Variants in HPF1 observed in about 807,000 individuals in gnomAD.
The protein encoded by HPF1 is histone PARylation factor 1.
Under a neutral mutation model 38.8 loss-of-function variants are expected in HPF1, and 35 were observed. The ratio of observed to expected loss-of-function variants is 0.90; its 90% confidence interval spans 0.69 to 1.19. The LOEUF is 1.19. Ranked by LOEUF, HPF1 falls within the 50% of genes most tolerant of loss-of-function variation. The pLI is 0.00. For synonymous variants in HPF1, 115 were observed against 139.2 expected (o/e 0.83, Z 1.22); for missense variants, 367 against 405.8 (o/e 0.90, Z 0.82).
chr4:169,730,570 C>T (rs1206638033), intron 7 of HPF1, among the ~76,000 whole-genome samples: 1 of 152,196 alleles, frequency 6.6e-6, no homozygotes, highest in Non-Finnish European at 1.5e-5. Flanking sequence ...CACTTGGCAA[C>T]TTGTTGGAAA....
At chr4:169,755,220 T>C (rs1270493185) in intron 1 of HPF1, among the ~76,000 whole-genome samples, 1 of 152,182 alleles carries the variant, frequency 6.6e-6, no homozygotes, top group African/African-American at 2.4e-5. Context: ...GAAATACCTA[T>C]TGTTAGGAGA....
intron 4 of HPF1, among the ~76,000 whole-genome samples, chr4:169,743,491 T>C (rs1485055844): frequency 3.3e-5 from 5 of 150,456 alleles, no homozygotes; most frequent in Non-Finnish European, 5.9e-5. Context: ...ATTTTTTTTT[T>C]AATGTTGAAG....
chr4:169,757,832 G>A lies in HPF1; in HGVS notation c.46C>T (p.Gln16Ter), dbSNP rs1734210127. 8 of 1,563,118 alleles carry A rather than the reference G, an allele frequency of 5.1e-6. No homozygotes were observed. The highest frequency in any genetic ancestry group is 1.2e-5 in the South Asian group (1 of 86,070). ...GKRRPGGEGPQCEKTTDVKKS... is the reference protein window; with the variant it reads ...GKRRPGGEGP Reference sequence around the variant, plus strand: ...CCGCACAGCCTTTCCGGCAGTACCTGCGGCCCCTCTCCGCCGGGCCTGCGC... The same window carrying A: ...CCGCACAGCCTTTCCGGCAGTACCTACGGCCCCTCTCCGCCGGGCCTGCGC... The change falls in exon 1 of 8, where the codon CAG (glutamine) becomes TAG (stop). Residue 16 changes from glutamine to a stop codon, truncating the protein, a stop_gained and splice_region_variant. Transcript: ENST00000393381. LOFTEE classifies it high-confidence loss of function.
chr4:169,741,911 A>C (rs1733973825), intron 5 of HPF1, 46 bp downstream of exon 5: 1 of 1,563,190 alleles, frequency 6.4e-7, no homozygotes, highest in East Asian at 2.2e-5. Flanking sequence ...AAGAGGGGAA[A>C]AAAATATGCT....
At chr4:169,746,603 A>G (rs1215116161) in intron 4 of HPF1, among the ~76,000 whole-genome samples, 1 of 152,140 alleles carries the variant, frequency 6.6e-6, no homozygotes, top group East Asian at 1.9e-4. Flanking sequence ...TTTAATAATA[A>G]CTAAAGATAA....
chr4:169,744,024 G>A (rs1053438534), intron 4 of HPF1, among the ~76,000 whole-genome samples: 8 of 152,080 alleles, frequency 5.3e-5, no homozygotes, highest in African/African-American at 1.9e-4. Context: ...TACAGCACAC[G>A]GTTACACTAA....
rs745919468 is a variant in HPF1, at chr4:169,731,748, T to G, written c.865A>C (p.Met289Leu). The change falls in exon 7 of 8, where the codon ATG becomes CTG. Residue 289 changes from methionine to leucine, a missense_variant. By Grantham distance (15) the Met-to-Leu change is conservative. Transcript: ENST00000393381. ...QFANDECDYGMGLELGMDLFC... is the reference protein window; with the variant it reads ...QFANDECDYGLGLELGMDLFC... ...AGATCCATTCCCAATTCAAGCCCCA[T>G]GCCATAATCACATTCATCATTAGCA... The G allele has an allele frequency of 1.3e-6, 2 of 1,588,326 alleles. No individual in the cohort carries two copies. The highest frequency in any genetic ancestry group is 1.7e-6 in the Non-Finnish European group (2 of 1,171,434).
At chr4:169,737,309 A>C (rs980805404) in intron 6 of HPF1, among the ~76,000 whole-genome samples, 39 of 119,078 alleles carry the variant, frequency 3.3e-4, no homozygotes, top group African/African-American at 1.6e-3. Flanking sequence ...AAAAAAAAAC[A>C]AACAAAAAAA....
chr4:169,754,708 G>A (rs1256253360), intron 1 of HPF1, among the ~76,000 whole-genome samples: 3 of 152,046 alleles, frequency 2.0e-5, no homozygotes, highest in Admixed American at 1.3e-4. Context: ...GTTCTCAACC[G>A]GTGGTGATTT....
chr4:169,732,492 A>G (rs17628004), intron 6 of HPF1, among the ~76,000 whole-genome samples: 77,401 of 152,000 alleles, frequency 0.51, 22,559 homozygotes, highest in East Asian at 0.83. Context: ...ATGCATTTAC[A>G]TAAGCTTTAA....
chr4:169,732,986 A>G (rs1173267646), intron 6 of HPF1, among the ~76,000 whole-genome samples: 7 of 152,218 alleles, frequency 4.6e-5, no homozygotes, highest in Admixed American at 4.6e-4. Context: ...AGACAACTGG[A>G]TTAAAAAATA....
At chr4:169,748,965 T>C in intron 3 of HPF1, 123 bp from the exon 4 acceptor site, 1 of 552,148 alleles carries the variant, frequency 1.8e-6, no homozygotes, top group Admixed American at 3.7e-5. Flanking sequence ...GGCCTTTTTT[T>C]TTTTTTAATC....
intron 6 of HPF1, among the ~76,000 whole-genome samples, chr4:169,736,501 G>A (rs779765711): frequency 2.6e-5 from 4 of 151,820 alleles, no homozygotes; most frequent in Non-Finnish European, 4.4e-5. Flanking sequence ...TAAGTGGCAG[G>A]GGTACAGCAA....
At chr4:169,735,225 G>C (rs1318114905) in intron 6 of HPF1, among the ~76,000 whole-genome samples, 3 of 152,046 alleles carry the variant, frequency 2.0e-5, no homozygotes, top group African/African-American at 7.2e-5. Flanking sequence ...GTGAACATGG[G>C]AATAAGACCT....
chr4:169,737,591 C>T, intron 6 of HPF1, 69 bp downstream of exon 6: 2 of 998,870 alleles, frequency 2.0e-6, no homozygotes, highest in East Asian at 2.4e-5. Flanking sequence ...TACCTACTTC[C>T]CAATATAAGC....
At chr4:169,741,520 A>G (rs964491758) in intron 5 of HPF1, among the ~76,000 whole-genome samples, 13 of 152,218 alleles carry the variant, frequency 8.5e-5, no homozygotes, top group African/African-American at 3.1e-4. Flanking sequence ...CTCATATTGC[A>G]GACATTAGGA....
In HPF1 at chr4:169,729,473, G is replaced by A. The variant is rs566488713; in HGVS notation, c.*105C>T. ...AACCAGGCAGAAGAACCTTATAAAC[G>A]TTTTTAGTAAATGTTTATTTTTTGT... On this transcript the variant is annotated 3_prime_UTR_variant, in exon 8 of 8. Transcript: ENST00000393381. 4 of 1,044,654 alleles carry A rather than the reference G, an allele frequency of 3.8e-6. No individual in the cohort carries two copies. The highest frequency in any genetic ancestry group is 5.2e-6 in the Non-Finnish European group (4 of 776,372). 64.7% of individuals were successfully genotyped at this position (1,044,654 alleles called of 1,614,324 possible).
chr4:169,743,111 A>C (rs1041011131), intron 4 of HPF1, among the ~76,000 whole-genome samples: 2 of 151,526 alleles, frequency 1.3e-5, no homozygotes, highest in Non-Finnish European at 2.9e-5. Context: ...AAAAACAAAA[A>C]ACTGTCTTTT....
chr4:169,736,637 C>G lies in HPF1; in HGVS notation c.736+1023G>C, dbSNP rs191004188. Among the ~76,000 whole-genome samples, 104 of 152,264 alleles carry G rather than the reference C, an allele frequency of 6.8e-4. 1 individual carries two copies. The highest frequency in any genetic ancestry group is 2.1e-4 in the Non-Finnish European group (14 of 68,022). ...TTAAATGCAGATGTCCAGGTCACAA[C>G]CCCCAGAGACTGGTAACTACCAAGG... On this transcript the variant is annotated intron_variant, in intron 6 of 7. Transcript: ENST00000393381.
Sources: allele counts gnomAD v4.1 joint callset (sites outside exome capture counted in the v4.1 genomes callset), GRCh38; gene constraint gnomAD v4.1.1; transcripts MANE v1.5; gene names NCBI Gene and HGNC (gene_info 2026-07-23, HGNC 2026-07-21).